Variants in GABRB3 observed in about 807,000 individuals in gnomAD.
GABRB3 encodes the protein gamma-aminobutyric acid receptor subunit beta-3.
GABRB3 carries 14 observed loss-of-function variants against 52.1 expected under a neutral mutation model. The observed-to-expected ratio is 0.27, with a 90% confidence interval of 0.18 to 0.42. GABRB3 has a LOEUF of 0.42. Ranked by LOEUF, GABRB3 falls within the 10% of genes least tolerant of loss-of-function variation. GABRB3 has a pLI of 1.00. For synonymous variants in GABRB3, 260 were observed against 232.3 expected (o/e 1.12, Z -1.08); for missense variants, 307 against 609.1 (o/e 0.50, Z 5.22).
chr15:26,663,291 C>A (rs1887606003), intron 3 of GABRB3, among the ~76,000 whole-genome samples: 1 of 152,160 alleles, frequency 6.6e-6, no homozygotes. Flanking sequence ...ATATGATTTT[C>A]TATCTAATAG....
intron 3 of GABRB3, among the ~76,000 whole-genome samples, chr15:26,669,689 T>C (rs1395996833): frequency 6.6e-6 from 1 of 152,074 alleles, no homozygotes; most frequent in Non-Finnish European, 1.5e-5. Flanking sequence ...AAAATGTCCC[T>C]TTCTTTGACC....
chr15:26,565,863 C>T (rs1003034701), intron 7 of GABRB3, among the ~76,000 whole-genome samples: 1 of 152,144 alleles, frequency 6.6e-6, no homozygotes, highest in African/African-American at 2.4e-5. Context: ...TTTCATACGC[C>T]TCTTCTAGGC....
chr15:26,742,278 C>T (rs892038704), intron 3 of GABRB3, among the ~76,000 whole-genome samples: 7 of 151,908 alleles, frequency 4.6e-5, no homozygotes, highest in Non-Finnish European at 8.8e-5. Flanking sequence ...AGTCCTTTTA[C>T]TGCACTGGAT....
At chr15:26,556,121 T>C (rs1889741775) in intron 8 of GABRB3, among the ~76,000 whole-genome samples, 1 of 152,206 alleles carries the variant, frequency 6.6e-6, no homozygotes, top group Admixed American at 6.5e-5. Flanking sequence ...ATTTCATGAA[T>C]ACTCTTTATT....
chr15:26,551,846 G>A (rs1356380645), intron 8 of GABRB3, among the ~76,000 whole-genome samples: 3 of 151,580 alleles, frequency 2.0e-5, no homozygotes, highest in Non-Finnish European at 2.9e-5. Context: ...GGAATGGACC[G>A]AGATCACACC....
At chr15:26,687,748 T>C (rs984456487) in intron 3 of GABRB3, among the ~76,000 whole-genome samples, 32 of 152,258 alleles carry the variant, frequency 2.1e-4, no homozygotes, top group African/African-American at 7.5e-4. Flanking sequence ...TGCTGCCCTG[T>C]AGCATATCTG....
intron 3 of GABRB3, among the ~76,000 whole-genome samples, chr15:26,662,135 G>T (rs192239015): frequency 6.6e-6 from 1 of 152,108 alleles, no homozygotes; most frequent in Non-Finnish European, 1.5e-5. Context: ...TGCATACAAA[G>T]GAAGTATGTT....
intron 3 of GABRB3, among the ~76,000 whole-genome samples, chr15:26,710,575 C>A (rs1889260317): frequency 6.6e-6 from 1 of 152,168 alleles, no homozygotes; most frequent in Non-Finnish European, 1.5e-5. Context: ...ACTTAAGAAG[C>A]AGAATTGCTG....
At chr15:26,635,010 AATATATATATATT>A (rs1398708636) in intron 3 of GABRB3, among the ~76,000 whole-genome samples, 13 of 74,882 alleles carry the variant, frequency 1.7e-4, no homozygotes, top group African/African-American at 6.5e-4. Flanking sequence ...ATATATATAT[AATATATATATATT>A]TAGAGAGGAA....
chr15:26,638,387 C>G (rs1203574431), intron 3 of GABRB3, among the ~76,000 whole-genome samples: 4 of 152,214 alleles, frequency 2.6e-5, no homozygotes, highest in Non-Finnish European at 4.4e-5. Context: ...GGATAGACGG[C>G]ACCTCTGTTC....
chr15:26,566,192 G>A (rs1890166168), intron 7 of GABRB3, among the ~76,000 whole-genome samples: 1 of 151,990 alleles, frequency 6.6e-6, no homozygotes, highest in Non-Finnish European at 1.5e-5. Flanking sequence ...AATTAAAACA[G>A]CACTTTCAGT....
intron 3 of GABRB3, among the ~76,000 whole-genome samples, chr15:26,662,810 G>A (rs1887591647): frequency 6.6e-6 from 1 of 152,112 alleles, no homozygotes; most frequent in South Asian, 2.1e-4. Flanking sequence ...GAACACAGAG[G>A]CAACTCCAAC....
At chr15:26,604,134 C>T (rs1444752530) in intron 4 of GABRB3, among the ~76,000 whole-genome samples, 5 of 151,930 alleles carry the variant, frequency 3.3e-5, no homozygotes, top group Non-Finnish European at 7.4e-5. Context: ...AGTGAACAAT[C>T]TAAAAAAGAA....
intron 6 of GABRB3, among the ~76,000 whole-genome samples, chr15:26,569,123 C>T (rs1380782569): frequency 6.6e-6 from 1 of 152,166 alleles, no homozygotes; most frequent in Non-Finnish European, 1.5e-5. Flanking sequence ...TATATGCATT[C>T]TACAGGCTTT....
At chr15:26,627,688 T>G (rs977128857) in intron 3 of GABRB3, among the ~76,000 whole-genome samples, 1 of 152,154 alleles carries the variant, frequency 6.6e-6, no homozygotes, top group Non-Finnish European at 1.5e-5. Context: ...TAAACTTGAA[T>G]GAATGAGGAG....
intron 3 of GABRB3, among the ~76,000 whole-genome samples, chr15:26,652,949 T>C (rs2140593792): frequency 6.6e-6 from 1 of 151,962 alleles, no homozygotes; most frequent in East Asian, 1.9e-4. Flanking sequence ...TAGTGGATTG[T>C]TTTGAGTACC....
At chr15:26,760,101 G>A (rs1031902271) in intron 3 of GABRB3, among the ~76,000 whole-genome samples, 2 of 152,154 alleles carry the variant, frequency 1.3e-5, no homozygotes, top group Non-Finnish European at 2.9e-5. Flanking sequence ...AAGAGTTTTC[G>A]GGTTCTACAC....
At chr15:26,742,803 TC>T (rs1890242898) in intron 3 of GABRB3, among the ~76,000 whole-genome samples, 1 of 152,198 alleles carries the variant, frequency 6.6e-6, no homozygotes, top group Non-Finnish European at 1.5e-5. Flanking sequence ...ATGAACTTTA[TC>T]AATTTATCAA....
At chr15:26,553,061 C>T (rs1346157123) in intron 8 of GABRB3, among the ~76,000 whole-genome samples, 2 of 152,188 alleles carry the variant, frequency 1.3e-5, no homozygotes, top group African/African-American at 2.4e-5. Flanking sequence ...TTAAACAGTT[C>T]TACTTAAATG....
Sources: gnomAD v4.1 joint callset for allele counts (sites outside exome capture counted in the v4.1 genomes callset) on GRCh38, gnomAD v4.1.1 for gene constraint, MANE v1.5 for transcripts, NCBI Gene and HGNC (gene_info 2026-07-23, HGNC 2026-07-21) for gene names.